The following ARB2A variants were observed in gnomAD, a reference collection of about 807,000 sequenced individuals.
ARB2A encodes cotranscriptional regulator ARB2A.
the ARB2A span, among the ~76,000 whole-genome samples, chr5:93,820,041 G>A: frequency 1.3e-5 from 2 of 152,150 alleles, no homozygotes; most frequent in East Asian, 3.9e-4. Context: ...AATGATGGTT[G>A]GGAATATACT....
At chr5:93,836,398 C>G in the ARB2A span, among the ~76,000 whole-genome samples, 5 of 152,306 alleles carry the variant, frequency 3.3e-5, no homozygotes, top group African/African-American at 1.2e-4. Context: ...ACAGATATGG[C>G]TCTAATCCAG....
the ARB2A span, among the ~76,000 whole-genome samples, chr5:93,976,780 C>T: frequency 6.6e-6 from 1 of 152,056 alleles, no homozygotes. Context: ...GAATGGACTA[C>T]TACAGCATCT....
At chr5:94,099,804 G>A in the ARB2A span, among the ~76,000 whole-genome samples, 1 of 151,792 alleles carries the variant, frequency 6.6e-6, no homozygotes, top group Non-Finnish European at 1.5e-5. Flanking sequence ...CAAAATAAGA[G>A]ATATCTATGA....
the ARB2A span, among the ~76,000 whole-genome samples, chr5:93,798,934 T>C: frequency 6.6e-6 from 1 of 152,146 alleles, no homozygotes; most frequent in African/African-American, 2.4e-5. Flanking sequence ...ATAAACTGCT[T>C]TAATTCCATG....
chr5:93,664,496 T>C, the ARB2A span, among the ~76,000 whole-genome samples: 1 of 151,726 alleles, frequency 6.6e-6, no homozygotes. Context: ...CCAGGCATGA[T>C]GGCGGGCACC....
At chr5:93,879,633 A>G in the ARB2A span, among the ~76,000 whole-genome samples, 1 of 151,878 alleles carries the variant, frequency 6.6e-6, no homozygotes, top group African/African-American at 2.4e-5. Context: ...AGCAGATGTG[A>G]AAAACAGAAT....
the ARB2A span, among the ~76,000 whole-genome samples, chr5:93,996,329 A>T: frequency 6.6e-6 from 1 of 152,122 alleles, no homozygotes; most frequent in East Asian, 1.9e-4. Context: ...TTAGGTTTTG[A>T]AAATCATATA....
At chr5:93,714,647 C>T in the ARB2A span, among the ~76,000 whole-genome samples, 4 of 152,136 alleles carry the variant, frequency 2.6e-5, no homozygotes, top group African/African-American at 9.7e-5. Flanking sequence ...CACTGGAGTG[C>T]ATTAAGATTC....
the ARB2A span, among the ~76,000 whole-genome samples, chr5:93,981,870 C>A: frequency 2.0e-5 from 3 of 152,122 alleles, no homozygotes; most frequent in Non-Finnish European, 2.9e-5. Context: ...ATCTGAGCAT[C>A]TGTAGTACTT....
the ARB2A span, among the ~76,000 whole-genome samples, chr5:93,951,131 T>C: frequency 2.6e-5 from 4 of 152,142 alleles, no homozygotes; most frequent in African/African-American, 9.7e-5. Flanking sequence ...ATGTCTCCTT[T>C]TGAGAAAAGT....
chr5:93,703,145 C>T, the ARB2A span, among the ~76,000 whole-genome samples: 1 of 152,116 alleles, frequency 6.6e-6, no homozygotes, highest in Non-Finnish European at 1.5e-5. Context: ...CCCAAATTAC[C>T]CTAAACACAT....
the ARB2A span, among the ~76,000 whole-genome samples, chr5:93,672,522 A>AACC: frequency 6.6e-6 from 1 of 151,894 alleles, no homozygotes; most frequent in Non-Finnish European, 1.5e-5. Flanking sequence ...GTTGGCCAGG[A>AACC]TGGTCTCAAT....
the ARB2A span, among the ~76,000 whole-genome samples, chr5:94,030,619 G>A: frequency 6.6e-6 from 1 of 152,172 alleles, no homozygotes; most frequent in African/African-American, 2.4e-5. Flanking sequence ...GATGCGCTGG[G>A]TCTACCTGGA....
the ARB2A span, among the ~76,000 whole-genome samples, chr5:94,039,065 A>G: frequency 6.6e-6 from 1 of 152,138 alleles, no homozygotes; most frequent in Non-Finnish European, 1.5e-5. Flanking sequence ...AAACTAACAT[A>G]AAGTACTAAA....
At chr5:93,748,326 G>A in the ARB2A span, among the ~76,000 whole-genome samples, 4 of 152,132 alleles carry the variant, frequency 2.6e-5, no homozygotes, top group East Asian at 1.9e-4. Flanking sequence ...GAAGACTTAG[G>A]AGAATGAAGA....
the ARB2A span, among the ~76,000 whole-genome samples, chr5:93,675,649 T>C: frequency 1.9e-4 from 29 of 152,228 alleles, no homozygotes; most frequent in African/African-American, 7.0e-4. Context: ...GAATTGCAAG[T>C]ACCAGATAGC....
At chr5:93,839,765 T>C in the ARB2A span, among the ~76,000 whole-genome samples, 1 of 152,122 alleles carries the variant, frequency 6.6e-6, no homozygotes, top group South Asian at 2.1e-4. Context: ...AGGTTGTATA[T>C]GTCCAGGAAT....
chr5:94,007,872 C>T, the ARB2A span, among the ~76,000 whole-genome samples: 5 of 151,946 alleles, frequency 3.3e-5, no homozygotes, highest in Admixed American at 1.3e-4. Context: ...TGTGTCAGTA[C>T]CCCCCTGCAA....
chr5:93,938,464 C>CT, the ARB2A span, among the ~76,000 whole-genome samples: 1 of 152,188 alleles, frequency 6.6e-6, no homozygotes, highest in Non-Finnish European at 1.5e-5. Flanking sequence ...TTAAAACCGA[C>CT]TCATAGCTTT....
Sources: allele counts gnomAD v4.1 joint callset (sites outside exome capture counted in the v4.1 genomes callset), GRCh38; gene constraint gnomAD v4.1.1; transcripts MANE v1.5; gene names NCBI Gene and HGNC (gene_info 2026-07-23, HGNC 2026-07-21).